CCDC90B: variants seen among roughly 807,000 people sequenced by gnomAD.
CCDC90B encodes the protein coiled-coil domain-containing protein 90B, mitochondrial.
Under a neutral mutation model 37.0 loss-of-function variants are expected in CCDC90B, and 24 were observed. That is an observed-to-expected ratio of 0.65 (90% confidence interval 0.47 to 0.91). The LOEUF is 0.91. Ranked by LOEUF, CCDC90B falls within the 40% of genes least tolerant of loss-of-function variation. CCDC90B has a pLI of 0.00. For synonymous variants in CCDC90B, 113 were observed against 101.1 expected (o/e 1.12, Z -0.71); for missense variants, 319 against 299.0 (o/e 1.07, Z -0.49).
At chr11:83,262,086 C>T in intron 8 of CCDC90B, 120 bp from the exon 9 acceptor site, 1 of 638,816 alleles carries the variant, frequency 1.6e-6, no homozygotes, top group Non-Finnish European at 2.6e-6. Context: ...AATTTTCTAT[C>T]CTATGTTTTT....
chr11:83,281,778 GA>G lies in CCDC90B; in HGVS notation c.101-1519del, dbSNP rs145415885. On this transcript the variant is annotated intron_variant, in intron 1 of 8. Coordinates refer to ENST00000529689, the MANE Select transcript of CCDC90B (RefSeq NM_021825.5). ...CTGATTAGAAGTTTATTTGGATTTA[GA>G]AAAAAAAAATCAGTAATAATATTTA... is the stretch of plus-strand genomic sequence containing the variant. Among the ~76,000 whole-genome samples the G allele has an allele frequency of 1.2e-3, 173 of 149,526 alleles. 1 individual carries two copies. Among genetic ancestry groups the G allele is most frequent in the African/African-American group, 3.3e-3 (134 of 40,706 alleles).
intron 1 of CCDC90B, among the ~76,000 whole-genome samples, chr11:83,280,639 G>GA (rs1178575923): frequency 6.6e-6 from 1 of 152,222 alleles, no homozygotes; most frequent in East Asian, 1.9e-4. Context: ...AAAGAGCTAT[G>GA]AAAATTTTTT....
Position 83,273,841 on chromosome 11 carries a change from T to G in CCDC90B, c.492A>C (p.Ala164=). 1 of 1,610,196 alleles carries G rather than the reference T, an allele frequency of 6.2e-7. No homozygotes were observed. The change falls in exon 6 of 9, where the codon GCA becomes GCC. Residue 164 remains alanine, a synonymous_variant. Coordinates refer to ENST00000529689, the MANE Select transcript of CCDC90B (RefSeq NM_021825.5). Reference sequence around the variant, plus strand: ...CTAAGTTGATATCCAGTTTATTATCTGCTCTGATTCGACTGGTTTCATGCT... The same window carrying G: ...CTAAGTTGATATCCAGTTTATTATCGGCTCTGATTCGACTGGTTTCATGCT... ...QLMHETSRIR[A]DNKLDINLER...
In CCDC90B at chr11:83,261,690, T is replaced by C. The variant is rs1863933234; in HGVS notation, c.*221A>G. 1.2e-5 allele frequency: 4 copies of C among 346,974 alleles called. No homozygotes were observed. Among genetic ancestry groups the C allele is most frequent in the Middle Eastern group, 6.0e-4 (1 of 1,662 alleles). 21.5% of individuals were successfully genotyped at this position (346,974 alleles called of 1,614,324 possible). A position where few individuals can be genotyped will look rare whatever the true frequency, so the allele number is the denominator to read the frequency against. ...TCTTCTATCTCAAACCAGGTCTGAG[T>C]GACAGCTTTTCAATATAATAAAGAC... On this transcript the variant is annotated 3_prime_UTR_variant, in exon 9 of 9. Coordinates refer to ENST00000529689, the MANE Select transcript of CCDC90B (RefSeq NM_021825.5).
chr11:83,274,856 A>T, intron 3 of CCDC90B, 116 bp from the exon 4 acceptor site: 1 of 587,806 alleles, frequency 1.7e-6, no homozygotes, highest in Non-Finnish European at 3.0e-6. Flanking sequence ...TATAATGTTG[A>T]CTGGTTAAGT....
At chr11:83,285,781 T>C (rs1341422684) in intron 1 of CCDC90B, 92 bp downstream of exon 1, 2 of 1,500,506 alleles carry the variant, frequency 1.3e-6, no homozygotes, top group African/African-American at 1.4e-5. Context: ...GCGTGGCACC[T>C]TCTCTTCCCG....
At chr11:83,265,439 C>T (rs990289394) in intron 8 of CCDC90B, among the ~76,000 whole-genome samples, 2 of 151,854 alleles carry the variant, frequency 1.3e-5, no homozygotes, top group African/African-American at 4.8e-5. Flanking sequence ...TGTGGAGTAC[C>T]ACAGTTTATC....
chr11:83,273,089 A>G (rs1864778970), intron 7 of CCDC90B, among the ~76,000 whole-genome samples: 1 of 5,178 alleles, frequency 1.9e-4, no homozygotes, highest in Non-Finnish European at 3.4e-4. Flanking sequence ...GTAAAATGGT[A>G]TCTGGCACAT....
At chr11:83,273,761 T>A (rs2135631389) in intron 6 of CCDC90B, 32 bp downstream of exon 6, 2 of 1,601,276 alleles carry the variant, frequency 1.2e-6, no homozygotes, top group Admixed American at 1.7e-5. Context: ...AAGGAGTAAG[T>A]AACCAAGAAA....
rs1392122136 is a variant in CCDC90B at position 83,285,875 on chromosome 11, C to G, written c.98G>C (p.Arg33Thr). ...PRGHFSPALRREFFTTTTKEG... is the reference protein window; with the variant it reads ...PRGHFSPALRTEFFTTTTKEG... ...TATGACACGACGCCTTGCCTCACCT[C>G]TCCGCAGGGCCGGCGAGAAATGCCC... The change falls in exon 1 of 9, where the codon AGA becomes ACA. Residue 33 changes from arginine (R) to threonine (T), a missense_variant and splice_region_variant. Transcript: ENST00000529689. The G allele has an allele frequency of 3.1e-6, 5 of 1,611,686 alleles. No homozygotes were observed. Among genetic ancestry groups the G allele is most frequent in the Non-Finnish European group, 4.2e-6 (5 of 1,179,558 alleles).
chr11:83,265,730 A>C (rs938502361), intron 8 of CCDC90B, 135 bp downstream of exon 8: 1 of 569,074 alleles, frequency 1.8e-6, no homozygotes, highest in Non-Finnish European at 3.1e-6. Flanking sequence ...TTCTTTAAGC[A>C]CTACAGGGGA....
rs1324078810 is a variant in CCDC90B at position 83,286,135 on chromosome 11, T to C, written c.-163A>G. 6.5e-7 allele frequency: 1 copy of C among 1,536,262 alleles called. No individual in the cohort carries two copies. The highest frequency in any genetic ancestry group is 2.0e-5 in the Admixed American group (1 of 51,006). On this transcript the variant is annotated 5_prime_UTR_variant, in exon 1 of 9. Coordinates refer to ENST00000529689, the MANE Select transcript of CCDC90B (RefSeq NM_021825.5). ...AGGCGCCACCGTGGTCCCACGAAAC[T>C]GGGTCTCTTCACAGACAGACCCACA... is the stretch of plus-strand genomic sequence containing the variant.
intron 8 of CCDC90B, among the ~76,000 whole-genome samples, chr11:83,262,218 T>A (rs1389796846): frequency 6.6e-6 from 1 of 152,136 alleles, no homozygotes; most frequent in African/African-American, 2.4e-5. Context: ...TAACCTGTAT[T>A]TAAAATCATT....
intron 7 of CCDC90B, among the ~76,000 whole-genome samples, chr11:83,273,010 GAAT>G (rs1249872441): frequency 2.6e-5 from 4 of 152,124 alleles, no homozygotes; most frequent in Middle Eastern, 6.8e-3. Context: ...GTTAAAATGG[GAAT>G]AATAGTGCCT....
At chr11:83,285,290 T>A in intron 1 of CCDC90B, 1 of 1,261,102 alleles carries the variant, frequency 7.9e-7, no homozygotes, top group African/African-American at 1.6e-5. Flanking sequence ...TTTCTCTGAA[T>A]AAAGTTAGAT....
intron 3 of CCDC90B, among the ~76,000 whole-genome samples, chr11:83,277,602 C>T (rs1370443153): frequency 6.6e-6 from 1 of 152,096 alleles, no homozygotes; most frequent in Non-Finnish European, 1.5e-5. Flanking sequence ...CCTGCCTCAG[C>T]CTCCCGAGGA....
chr11:83,284,302 G>A (rs916363836), intron 1 of CCDC90B, among the ~76,000 whole-genome samples: 9 of 152,120 alleles, frequency 5.9e-5, no homozygotes, highest in African/African-American at 2.2e-4. Flanking sequence ...TGCTGGAAAA[G>A]GTCAAATTTT....
At chr11:83,285,349 T>C in intron 1 of CCDC90B, 1 of 1,180,366 alleles carries the variant, frequency 8.5e-7, no homozygotes, top group Non-Finnish European at 1.1e-6. Context: ...TGGAAACTTG[T>C]GGGTTCCAGT....
intron 3 of CCDC90B, among the ~76,000 whole-genome samples, chr11:83,277,658 T>C (rs555759305): frequency 2.0e-5 from 3 of 151,640 alleles, no homozygotes; most frequent in Non-Finnish European, 4.4e-5. Context: ...AATTTTTGTT[T>C]TTTTTTTTGT....
Sources: gnomAD v4.1 joint callset for allele counts (sites outside exome capture counted in the v4.1 genomes callset) on GRCh38, gnomAD v4.1.1 for gene constraint, MANE v1.5 for transcripts, NCBI Gene and HGNC (gene_info 2026-07-23, HGNC 2026-07-21) for gene names.